GALNT13: variants seen among roughly 807,000 people sequenced by gnomAD.
GALNT13 encodes the protein UDP-GalNAc:polypeptide N-acetylgalactosaminyltransferase 13.
Under a neutral mutation model 64.2 loss-of-function variants are expected in GALNT13, and 28 were observed. The ratio of observed to expected loss-of-function variants is 0.44; its 90% confidence interval spans 0.32 to 0.60. GALNT13 has a LOEUF of 0.60. Among genes scored for constraint, GALNT13 ranks in the 20% least tolerant of loss-of-function variants. The pLI is 0.05. For missense variants in GALNT13, 577 were observed against 669.8 expected (o/e 0.86, Z 1.53); for synonymous variants, 214 against 224.6 (o/e 0.95, Z 0.42).
At chr2:154,134,923 T>C (rs911783432) in intron 3 of GALNT13, among the ~76,000 whole-genome samples, 1 of 152,066 alleles carries the variant, frequency 6.6e-6, no homozygotes, top group African/African-American at 2.4e-5. Context: ...GAGGTGGAGG[T>C]TGCAGTGAGC....
In GALNT13 at chr2:154,451,578, A is replaced by G. The variant is rs1701871886; in HGVS notation, c.*1027A>G. The G allele has an allele frequency of 6.6e-6, 1 of 152,134 alleles. No individual in the cohort carries two copies. The highest frequency in any genetic ancestry group is 6.6e-5 in the Admixed American group (1 of 15,232). The allele number at this position is 152,134 out of a possible 1,614,324, so 9.4% of individuals were successfully genotyped here. ...TCCAGTATCTAAAAATTTTATCACC[A>G]GGGGAATAAACTCAATACACATTCA... On this transcript the variant is annotated 3_prime_UTR_variant, in exon 13 of 13. Coordinates refer to ENST00000392825, the MANE Select transcript of GALNT13 (RefSeq NM_052917.4).
At chr2:154,267,778 C>A (rs1442897458) in intron 8 of GALNT13, among the ~76,000 whole-genome samples, 1 of 152,012 alleles carries the variant, frequency 6.6e-6, no homozygotes, top group Non-Finnish European at 1.5e-5. Context: ...AAAAAAAACT[C>A]TCAAAACTCA....
chr2:153,602,431 G>A, the GALNT13 span, among the ~76,000 whole-genome samples: 1 of 151,616 alleles, frequency 6.6e-6, no homozygotes, highest in Admixed American at 6.6e-5. Flanking sequence ...GGGTAGGGGG[G>A]CAGGTGGTTA....
the GALNT13 span, among the ~76,000 whole-genome samples, chr2:153,238,638 C>A: frequency 6.6e-6 from 1 of 152,012 alleles, no homozygotes; most frequent in Non-Finnish European, 1.5e-5. Flanking sequence ...AATGAGTTCA[C>A]TGTAGGTGTG....
chr2:154,226,387 C>T (rs1688620314), intron 4 of GALNT13, among the ~76,000 whole-genome samples: 1 of 151,966 alleles, frequency 6.6e-6, no homozygotes, highest in Non-Finnish European at 1.5e-5. Flanking sequence ...AAAATGCTTC[C>T]CTGAATGTAA....
the GALNT13 span, among the ~76,000 whole-genome samples, chr2:153,229,714 T>G: frequency 6.6e-6 from 1 of 152,214 alleles, no homozygotes; most frequent in Admixed American, 6.5e-5. Flanking sequence ...CATGAAATAG[T>G]GCCTCCTAAT....
chr2:153,951,611 A>G (rs547364658), intron 3 of GALNT13, among the ~76,000 whole-genome samples: 3 of 152,208 alleles, frequency 2.0e-5, no homozygotes, highest in South Asian at 4.1e-4. Flanking sequence ...GTTTGATCCA[A>G]TTTCCTGAGA....
At chr2:154,176,164 T>C (rs1685635285) in intron 4 of GALNT13, among the ~76,000 whole-genome samples, 1 of 151,970 alleles carries the variant, frequency 6.6e-6, no homozygotes, top group Admixed American at 6.6e-5. Context: ...TCCGGTTCTT[T>C]GTTATAAGAA....
At chr2:154,178,602 A>G (rs930243285) in intron 4 of GALNT13, among the ~76,000 whole-genome samples, 9 of 152,180 alleles carry the variant, frequency 5.9e-5, no homozygotes, top group African/African-American at 1.2e-4. Flanking sequence ...CTCTCGCTCA[A>G]TCTGCACACG....
the GALNT13 span, among the ~76,000 whole-genome samples, chr2:153,800,372 C>T: frequency 6.6e-6 from 1 of 152,082 alleles, no homozygotes; most frequent in East Asian, 1.9e-4. Flanking sequence ...GAGGATCTTG[C>T]CTCGATATTG....
chr2:153,076,003 A>C, the GALNT13 span, among the ~76,000 whole-genome samples: 14 of 152,268 alleles, frequency 9.2e-5, no homozygotes, highest in Non-Finnish European at 1.5e-4. Flanking sequence ...TTCATGGTGT[A>C]TTAAATCAGT....
chr2:153,436,554 TG>T, the GALNT13 span, among the ~76,000 whole-genome samples: 8 of 152,210 alleles, frequency 5.3e-5, no homozygotes, highest in Non-Finnish European at 8.8e-5. Context: ...GGTTTAGTCT[TG>T]GGAGGGTGTA....
At chr2:154,220,266 G>A (rs961522716) in intron 4 of GALNT13, among the ~76,000 whole-genome samples, 3 of 152,004 alleles carry the variant, frequency 2.0e-5, no homozygotes, top group African/African-American at 7.2e-5. Flanking sequence ...GAAATATTTG[G>A]ATGTGTAGTA....
chr2:154,051,535 C>T (rs1699619302), intron 3 of GALNT13, among the ~76,000 whole-genome samples: 2 of 151,968 alleles, frequency 1.3e-5, no homozygotes, highest in African/African-American at 4.8e-5. Context: ...CATGATCCAC[C>T]CGCCTCGGCC....
At chr2:153,092,684 T>A in the GALNT13 span, among the ~76,000 whole-genome samples, 5 of 152,258 alleles carry the variant, frequency 3.3e-5, no homozygotes, top group African/African-American at 1.2e-4. Context: ...ATGTTGATTT[T>A]GTATTCTGCA....
intron 4 of GALNT13, among the ~76,000 whole-genome samples, chr2:154,176,199 G>C (rs1350651963): frequency 7.9e-5 from 12 of 151,688 alleles, no homozygotes; most frequent in Non-Finnish European, 1.6e-4. Context: ...AAGTCAGCAT[G>C]ATGCAGAGTA....
intron 3 of GALNT13, among the ~76,000 whole-genome samples, chr2:153,973,206 G>T (rs181921740): frequency 6.6e-6 from 1 of 152,010 alleles, no homozygotes; most frequent in East Asian, 1.9e-4. Flanking sequence ...ACTACTGAGA[G>T]CTTTGAGGAT....
chr2:153,727,201 A>G, the GALNT13 span, among the ~76,000 whole-genome samples: 1 of 152,170 alleles, frequency 6.6e-6, no homozygotes, highest in African/African-American at 2.4e-5. Flanking sequence ...GATTTCTCAC[A>G]TAATATATTG....
chr2:153,748,969 A>C, the GALNT13 span, among the ~76,000 whole-genome samples: 1 of 152,054 alleles, frequency 6.6e-6, no homozygotes, highest in Non-Finnish European at 1.5e-5. Flanking sequence ...GAAGTCTTAG[A>C]CTTAAGGCTG....
Sources: gnomAD v4.1 joint callset for allele counts (sites outside exome capture counted in the v4.1 genomes callset) on GRCh38, gnomAD v4.1.1 for gene constraint, MANE v1.5 for transcripts, NCBI Gene and HGNC (gene_info 2026-07-23, HGNC 2026-07-21) for gene names.